ISM1: variants seen among roughly 807,000 people sequenced by gnomAD.
The protein encoded by ISM1 is isthmin-1.
ISM1 carries 25 observed loss-of-function variants against 46.3 expected under a neutral mutation model. That is an observed-to-expected ratio of 0.54 (90% confidence interval 0.39 to 0.75). ISM1 has a LOEUF of 0.75. Among genes scored for constraint, ISM1 ranks in the 30% least tolerant of loss-of-function variants. The pLI is 0.00. For missense variants in ISM1, 536 were observed against 625.4 expected (o/e 0.86, Z 1.52); for synonymous variants, 255 against 256.7 (o/e 0.99, Z 0.06).
chr20:13,250,433 CAG>C (rs906323223), intron 1 of ISM1, among the ~76,000 whole-genome samples: 1 of 151,988 alleles, frequency 6.6e-6, no homozygotes, highest in Non-Finnish European at 1.5e-5. Context: ...TTTTAGCAAA[CAG>C]AGCAGGAAAA....
At chr20:13,305,190 T>C (rs1320510684), downstream of ISM1, among the ~76,000 whole-genome samples, 1 of 120,388 alleles carries the variant, frequency 8.3e-6, no homozygotes, top group Admixed American at 9.6e-5. Flanking sequence ...TTTAATACCG[T>C]TGAGTTGTTA....
At position 13,299,123 on chromosome 20, in the gene ISM1, G is replaced by A. The variant is rs1048634580; in HGVS notation, c.1059G>A (p.Gly353=). The change falls in exon 6 of 6, where the codon GGG becomes GGA. Residue 353 remains glycine, a synonymous_variant. Coordinates refer to ENST00000262487, the MANE Select transcript of ISM1 (RefSeq NM_080826.2). This position sits in a 1 kb window ranked among gnomAD's most constrained non-coding sequence, Gnocchi z 5.8. ...RKDFRWKDAS[G]PKEKLEIYKP... Reference sequence around the variant, plus strand: ...ACTTCCGCTGGAAGGACGCCAGCGGGCCCAAGGAGAAGCTGGAGATCTACA... The same window carrying A: ...ACTTCCGCTGGAAGGACGCCAGCGGACCCAAGGAGAAGCTGGAGATCTACA... The A allele has an allele frequency of 1.2e-5, 20 of 1,613,062 alleles. No individual in the cohort carries two copies. The highest frequency in any genetic ancestry group is 2.7e-5 in the African/African-American group (2 of 74,808).
chr20:13,284,708 A>G (rs1248725934), intron 3 of ISM1, among the ~76,000 whole-genome samples: 1 of 152,234 alleles, frequency 6.6e-6, no homozygotes, highest in Non-Finnish European at 1.5e-5. Context: ...CAGGGGAGTG[A>G]GCTCACATAC....
the ISM1 span, among the ~76,000 whole-genome samples, chr20:13,306,009 T>C: frequency 6.6e-6 from 1 of 152,166 alleles, no homozygotes; most frequent in Non-Finnish European, 1.5e-5. Context: ...TTTTATGACT[T>C]TGCTAATTTT....
In ISM1 at chr20:13,221,798, C is replaced by A; in HGVS notation, c.22C>A (p.Leu8Met). The A allele has an allele frequency of 7.2e-7, 1 of 1,391,764 alleles. No homozygotes were observed. The highest frequency in any genetic ancestry group is 9.4e-7 in the Non-Finnish European group (1 of 1,068,386). 86.2% of individuals were successfully genotyped at this position (1,391,764 alleles called of 1,614,324 possible). The change falls in exon 1 of 6, where the codon CTG (leucine) becomes ATG (methionine). Residue 8 changes from leucine (L) to methionine (M), a missense_variant. This residue lies in a region of ISM1 where 367 missense variants were observed against 376.1 expected (regional missense o/e 0.98). Coordinates refer to ENST00000262487, the MANE Select transcript of ISM1 (RefSeq NM_080826.2). ...AAGGATGGTGCGCCTGGCGGCCGAG[C>A]TGCTGCTGCTGCTGGGGCTGCTGCT... MVRLAAE[L>M]LLLLGLLLLT...
intron 1 of ISM1, among the ~76,000 whole-genome samples, chr20:13,228,741 C>T (rs2039556557): frequency 6.6e-6 from 1 of 152,052 alleles, no homozygotes; most frequent in Non-Finnish European, 1.5e-5. Flanking sequence ...TTCCAATATC[C>T]CTGTACTCTT....
intron 1 of ISM1, among the ~76,000 whole-genome samples, chr20:13,248,054 AG>A (rs1402023881): frequency 6.6e-6 from 1 of 152,168 alleles, no homozygotes; most frequent in East Asian, 1.9e-4. Context: ...TCCAAGTTCC[AG>A]GTGGGCTATG....
At chr20:13,288,345 C>T (rs929567903) in intron 3 of ISM1, among the ~76,000 whole-genome samples, 195 bp from the exon 4 acceptor site, 3 of 152,194 alleles carry the variant, frequency 2.0e-5, no homozygotes, top group Non-Finnish European at 4.4e-5. Context: ...TGCCCAAAAC[C>T]TCCTTGCTGT....
intron 1 of ISM1, among the ~76,000 whole-genome samples, chr20:13,253,770 C>T (rs2123201005): frequency 6.6e-6 from 1 of 152,092 alleles, no homozygotes; most frequent in Admixed American, 6.6e-5. Flanking sequence ...ATCAGTTTTT[C>T]TGTGAGCTCA....
At chr20:13,315,676 A>G in the ISM1 span, among the ~76,000 whole-genome samples, 2 of 152,064 alleles carry the variant, frequency 1.3e-5, no homozygotes, top group African/African-American at 4.8e-5. Context: ...AGCCTACTTC[A>G]TCCAACAACA....
chr20:13,221,552 T>TGCGGCGGCGGCG lies in ISM1; in HGVS notation c.-212_-201dup, dbSNP rs911571992. Reference sequence around the variant, plus strand: ...CGGCCTCGCGGTGGCTCCGCCGTGGTGCGGCGGCGGCGGCGGCGGCGGCGC... The same window carrying TGCGGCGGCGGCG: ...CGGCCTCGCGGTGGCTCCGCCGTGGTGCGGCGGCGGCGGCGGCGGCGGCGGCGGCGGCGGCGC... On this transcript the variant is annotated 5_prime_UTR_variant, in exon 1 of 6. Transcript: ENST00000262487. 4.9e-5 allele frequency among the ~76,000 whole-genome samples: 7 copies of TGCGGCGGCGGCG among 141,586 alleles called. No homozygotes were observed. Among genetic ancestry groups the TGCGGCGGCGGCG allele is most frequent in the African/African-American group, 1.5e-4 (6 of 39,404 alleles). The allele number at this position is 141,586 out of a possible 152,430, so 92.9% of individuals were successfully genotyped here.
At chr20:13,296,625 A>G (rs1409297122) in intron 5 of ISM1, among the ~76,000 whole-genome samples, 1 of 152,180 alleles carries the variant, frequency 6.6e-6, no homozygotes, top group Admixed American at 6.5e-5. Flanking sequence ...TCTCTTTCCA[A>G]AAGGGACCCT....
chr20:13,261,749 C>T (rs1339303665), intron 1 of ISM1, among the ~76,000 whole-genome samples: 1 of 152,148 alleles, frequency 6.6e-6, no homozygotes, highest in Non-Finnish European at 1.5e-5. Flanking sequence ...AATGAGGGTT[C>T]TTAACTTTAG....
At chr20:13,316,232 A>C in the ISM1 span, among the ~76,000 whole-genome samples, 1 of 151,956 alleles carries the variant, frequency 6.6e-6, no homozygotes. Context: ...AATCTGCCAA[A>C]ATTCACACAA....
chr20:13,249,951 T>C (rs2039848661), intron 1 of ISM1, among the ~76,000 whole-genome samples: 1 of 152,232 alleles, frequency 6.6e-6, no homozygotes, highest in Non-Finnish European at 1.5e-5. Flanking sequence ...ATGTAATGTT[T>C]CCTTTCCAAA....
chr20:13,291,776 G>GTGAGCTAGACAAAGAA (rs1020269705), intron 4 of ISM1, among the ~76,000 whole-genome samples: 10 of 152,294 alleles, frequency 6.6e-5, no homozygotes, highest in Non-Finnish European at 1.3e-4. Context: ...AGCATCCTCA[G>GTGAGCTAGACAAAGAA]TGAGCTAGAC....
intron 1 of ISM1, among the ~76,000 whole-genome samples, chr20:13,240,621 A>G (rs1428033248): frequency 6.6e-6 from 1 of 152,354 alleles, no homozygotes; most frequent in East Asian, 1.9e-4. Context: ...TGGCTGTTCT[A>G]GGATTGGTGA....
chr20:13,299,878 C>T lies in ISM1; in HGVS notation c.*419C>T, dbSNP rs1375887287. 1.3e-5 allele frequency: 2 copies of T among 158,636 alleles called. No individual in the cohort carries two copies. 9.8% of individuals were successfully genotyped at this position (158,636 alleles called of 1,614,324 possible). ...TTAATACAAATGTGACTTAATTAAG[C>T]GTAACCTTTTCTCTGGAGTTGTGGT... On this transcript the variant is annotated 3_prime_UTR_variant, in exon 6 of 6. Transcript: ENST00000262487. The surrounding 1 kb of genome is among the most constrained non-coding windows in gnomAD (Gnocchi z 5.8).
chr20:13,266,768 C>T (rs904359693), intron 1 of ISM1, among the ~76,000 whole-genome samples: 2 of 152,146 alleles, frequency 1.3e-5, no homozygotes, highest in African/African-American at 4.8e-5. Flanking sequence ...AGAATGTTTG[C>T]TTGCCTGAAT....
Sources: gnomAD v4.1 joint callset for allele counts (sites outside exome capture counted in the v4.1 genomes callset) on GRCh38, gnomAD v4.1.1 for gene constraint, gnomAD v4.1.1 regional missense constraint, Gnocchi (gnomAD v3.1) non-coding constraint, MANE v1.5 for transcripts, NCBI Gene and HGNC (gene_info 2026-07-23, HGNC 2026-07-21) for gene names.